The following OSBPL3 variants were observed in gnomAD, a reference collection of about 807,000 sequenced individuals.
The protein encoded by OSBPL3 is oxysterol-binding protein-related protein 3.
Under a neutral mutation model 120.1 loss-of-function variants are expected in OSBPL3, and 65 were observed. The observed-to-expected ratio is 0.54, with a 90% CI of 0.44 to 0.67. The LOEUF (loss-of-function observed/expected upper bound fraction) is 0.67. Among genes scored for constraint, OSBPL3 ranks in the 30% least tolerant of loss-of-function variants. OSBPL3 has a pLI of 0.00. For synonymous variants in OSBPL3, 416 were observed against 402.6 expected (o/e 1.03, Z -0.40); for missense variants, 1,004 against 1,082.1 (o/e 0.93, Z 1.01).
Position 24,861,709 on chromosome 7 carries a change from G to C in OSBPL3, c.931C>G (p.Leu311Val), listed in dbSNP as rs1006068454. 6.2e-7 allele frequency: 1 copy of C among 1,612,098 alleles called. No individual in the cohort carries two copies. Among genetic ancestry groups the C allele is most frequent in the Non-Finnish European group, 8.5e-7 (1 of 1,178,598 alleles). Residue 311 changes from leucine (L) to valine (V), a missense_variant, in exon 10 of 23, where the codon CTA (leucine) becomes GTA (valine). This residue lies in a region of OSBPL3 where 272 missense variants were observed against 248.8 expected (regional missense o/e 1.09). Coordinates refer to ENST00000313367, the MANE Select transcript of OSBPL3 (RefSeq NM_015550.4). ...TAATTTTTCTCTTCTCCAAAATCTA[G>C]TGTTGACAAATTAGGATTGGAGGAG... Reference protein sequence around the residue: ...LHSSNPNLSTLDFGEEKNYSD... With the variant: ...LHSSNPNLSTVDFGEEKNYSD...
chr7:24,804,622 T>C lies in OSBPL3; in HGVS notation c.2445-185A>G, dbSNP rs1792807217. ...AGAAGATATTTTTTTGAATTGGTGA[T>C]ATTTACATAATTCAAAAATTATATC... is the stretch of plus-strand genomic sequence containing the variant. On this transcript the variant is annotated intron_variant, in intron 21 of 22. Transcript: ENST00000313367. This position sits in a 1 kb window ranked among gnomAD's most constrained non-coding sequence, Gnocchi z 5.4. Among the ~76,000 whole-genome samples the C allele has an allele frequency of 6.6e-6, 1 of 152,218 alleles. No individual in the cohort carries two copies.
rs1199268482 is a variant in OSBPL3 at position 24,818,938 on chromosome 7, G to A, written c.1948+1237C>T. 6.6e-6 allele frequency among the ~76,000 whole-genome samples: 1 copy of A among 152,078 alleles called. No individual in the cohort carries two copies. The highest frequency in any genetic ancestry group is 1.5e-5 in the Non-Finnish European group (1 of 68,004). ...ACAGGAGCACACAAAACTACTTTGA[G>A]AAGACCCCTCGCATTAAAAAAAAAT... is the stretch of plus-strand genomic sequence containing the variant. On this transcript the variant is annotated intron_variant, in intron 17 of 22. Transcript: ENST00000313367. The surrounding 1 kb of genome is among the most constrained non-coding windows in gnomAD (Gnocchi z 4.0).
At position 24,820,238 on chromosome 7, in the gene OSBPL3, C is replaced by T. The variant is rs1160697697; in HGVS notation, c.1885G>A (p.Val629Ile). 1.9e-6 allele frequency: 3 copies of T among 1,610,886 alleles called. No homozygotes were observed. The highest frequency in any genetic ancestry group is 2.5e-6 in the Non-Finnish European group (3 of 1,177,928). Residue 629 changes from valine to isoleucine, a missense_variant and splice_region_variant, in exon 17 of 23, where the codon GTC becomes ATC. Physicochemically the swap from Val to Ile is conservative, Grantham distance 29. Around this residue, in one of 4 missense-constraint regions of OSBPL3, gnomAD observed 473 missense variants for 568.0 expected, o/e 0.83. Transcript: ENST00000313367. This position sits in a 1 kb window ranked among gnomAD's most constrained non-coding sequence, Gnocchi z 4.6. ...GCAGAGATAGGCGGATGGTGGCTGA[C>T]CTGATGGAAACAAAGGACAGAAAAA... is the stretch of plus-strand genomic sequence containing the variant. Reference protein sequence around the residue: ...DKGFQFFSEQVSHHPPISACH... With the variant: ...DKGFQFFSEQISHHPPISACH...
rs1317680522 is a variant in OSBPL3, at chr7:24,901,036, AGAG to A, written c.-149-8418_-149-8416del. 1.5e-4 allele frequency among the ~76,000 whole-genome samples: 20 copies of A among 134,402 alleles called. 1 individual carries two copies. Among genetic ancestry groups the A allele is most frequent in the Admixed American group, 8.3e-4 (11 of 13,288 alleles). The allele number at this position is 134,402 out of a possible 152,430, so 88.2% of individuals were successfully genotyped here. Reference sequence around the variant, plus strand: ...ACCTTGTCTCGAAAAAAAAAAAAAAAGAGAGAGAGATGGCCAGGTGTGGTGGCT... The same window carrying A: ...ACCTTGTCTCGAAAAAAAAAAAAAAAAGAGAGATGGCCAGGTGTGGTGGCT... On this transcript the variant is annotated intron_variant, in intron 1 of 22. Coordinates refer to ENST00000313367, the MANE Select transcript of OSBPL3 (RefSeq NM_015550.4).
chr7:24,956,400 A>G lies in OSBPL3; in HGVS notation c.-150+23486T>C, dbSNP rs572417261. Reference sequence around the variant, plus strand: ...TCAGAAAAGAATACAGCTAATTTTTAAAAACCAATCCTGCATTAGTTTTCT... The same window carrying G: ...TCAGAAAAGAATACAGCTAATTTTTGAAAACCAATCCTGCATTAGTTTTCT... On this transcript the variant is annotated intron_variant, in intron 1 of 22. Transcript: ENST00000313367. Among the ~76,000 whole-genome samples the G allele has an allele frequency of 1.3e-4, 20 of 152,360 alleles. No homozygotes were observed. In the South Asian group the frequency reaches 1.9e-3, roughly 14 times the overall value.
rs900362626 is a variant in OSBPL3 at position 24,979,914 on chromosome 7, C to T, written c.-178G>A. 2 of 970,502 alleles carry T rather than the reference C, an allele frequency of 2.1e-6. No individual in the cohort carries two copies. Among genetic ancestry groups the T allele is most frequent in the Non-Finnish European group, 2.4e-6 (2 of 822,422 alleles). 60.1% of individuals were successfully genotyped at this position (970,502 alleles called of 1,614,324 possible). A position where few individuals can be genotyped will look rare whatever the true frequency, so the allele number is the denominator to read the frequency against. ...AGCGCTGTGCAGCCGGAGACGCTCC[C>T]TAGTTCCCCGGGGCCGGGCTCCGGG... is the stretch of plus-strand genomic sequence containing the variant. On this transcript the variant is annotated 5_prime_UTR_variant, in exon 1 of 23. Transcript: ENST00000313367.
chr7:24,974,830 G>A (rs77830538), intron 1 of OSBPL3, among the ~76,000 whole-genome samples: 5,049 of 152,310 alleles, frequency 0.033, 137 homozygotes, highest in Middle Eastern at 0.058. Context: ...TTAGTGGGTG[G>A]GGATTAGGGG....
chr7:24,874,853 CCT>C (rs1802631791), intron 2 of OSBPL3, among the ~76,000 whole-genome samples: 1 of 152,150 alleles, frequency 6.6e-6, no homozygotes, highest in African/African-American at 2.4e-5. Context: ...AAATCTGCCC[CCT>C]GCCTCATCGC....
At chr7:24,928,194 G>T (rs375784282) in intron 1 of OSBPL3, among the ~76,000 whole-genome samples, 81 of 135,620 alleles carry the variant, frequency 6.0e-4, no homozygotes, top group African/African-American at 1.1e-3. Flanking sequence ...CTTCCTTTTT[G>T]TTTTTTTTTT....
At position 24,894,149 on chromosome 7, in the gene OSBPL3, T is replaced by C. The variant is rs1805781790; in HGVS notation, c.-149-1528A>G. On this transcript the variant is annotated intron_variant, in intron 1 of 22. Transcript: ENST00000313367. This position sits in a 1 kb window ranked among gnomAD's most constrained non-coding sequence, Gnocchi z 4.1. ...TTCCTACACCTTCATTAACACTTAG[T>C]TCTTCAAAAATAAAAAAGAGTACAT... Among the ~76,000 whole-genome samples the C allele has an allele frequency of 6.6e-6, 1 of 151,300 alleles. No individual in the cohort carries two copies. The highest frequency in any genetic ancestry group is 2.5e-5 in the African/African-American group (1 of 40,592).
chr7:24,877,462 G>C lies in OSBPL3; in HGVS notation c.97-5393C>G, dbSNP rs1329870673. 6.6e-6 allele frequency among the ~76,000 whole-genome samples: 1 copy of C among 152,072 alleles called. No individual in the cohort carries two copies. Among genetic ancestry groups the C allele is most frequent in the Non-Finnish European group, 1.5e-5 (1 of 68,010 alleles). ...CTTAGCCAGGTAAATTCTCATTTAGGCCCAAACCTCCTCCCTGGATGACAG... is the reference window on the plus strand; with the variant it reads ...CTTAGCCAGGTAAATTCTCATTTAGCCCCAAACCTCCTCCCTGGATGACAG... On this transcript the variant is annotated intron_variant, in intron 2 of 22. Transcript: ENST00000313367. This position sits in a 1 kb window ranked among gnomAD's most constrained non-coding sequence, Gnocchi z 4.8.
chr7:24,932,033 T>C lies in OSBPL3; in HGVS notation c.-149-39412A>G, dbSNP rs1284647613. Among the ~76,000 whole-genome samples the C allele has an allele frequency of 3.9e-5, 6 of 152,164 alleles. No homozygotes were observed. The highest frequency in any genetic ancestry group is 2.6e-4 in the Admixed American group (4 of 15,280). The stretch of plus-strand genomic sequence containing the variant: ...AGTGACTGATCTGTAAAACAAAACA[T>C]GTAGACTAGATGAATGATAATCTCT... On this transcript the variant is annotated intron_variant, in intron 1 of 22. Coordinates refer to ENST00000313367, the MANE Select transcript of OSBPL3 (RefSeq NM_015550.4). The surrounding 1 kb of genome is among the most constrained non-coding windows in gnomAD (Gnocchi z 5.6).
rs1034095639 is a variant in OSBPL3 at position 24,863,848 on chromosome 7, C to T, written c.674-249G>A. On this transcript the variant is annotated intron_variant, in intron 7 of 22. Coordinates refer to ENST00000313367, the MANE Select transcript of OSBPL3 (RefSeq NM_015550.4). This position sits in a 1 kb window ranked among gnomAD's most constrained non-coding sequence, Gnocchi z 5.8. ...TGAACTGTAACTATTGAGAAAATTG[C>T]AAAACTGCATGCCTCAACTTCCTCA... Among the ~76,000 whole-genome samples, 1 of 152,110 alleles carries T rather than the reference C, an allele frequency of 6.6e-6. No individual in the cohort carries two copies. Among genetic ancestry groups the T allele is most frequent in the African/African-American group, 2.4e-5 (1 of 41,418 alleles).
chr7:24,826,203 G>A (rs929410663), intron 16 of OSBPL3, among the ~76,000 whole-genome samples: 9 of 152,316 alleles, frequency 5.9e-5, no homozygotes, highest in South Asian at 2.1e-4. Context: ...AGGAAAGAAG[G>A]GAAGTCCTTC....
chr7:24,832,294 G>A (rs374283763), intron 15 of OSBPL3, among the ~76,000 whole-genome samples: 3 of 150,416 alleles, frequency 2.0e-5, no homozygotes, highest in African/African-American at 4.9e-5. Flanking sequence ...GGCAGATCAC[G>A]AGGTCAGGAG....
chr7:24,834,867 T>A lies in OSBPL3; in HGVS notation c.1496-131A>T. On this transcript the variant is annotated intron_variant, in intron 14 of 22. Coordinates refer to ENST00000313367, the MANE Select transcript of OSBPL3 (RefSeq NM_015550.4). This position sits in a 1 kb window ranked among gnomAD's most constrained non-coding sequence, Gnocchi z 5.2. ...TAAACTCAGTTGTTCAGAGTATGGC[T>A]GAAGTCAGAAAACCGGCAAAAGAAT... 1 of 816,558 alleles carries A rather than the reference T, an allele frequency of 1.2e-6. No homozygotes were observed. Among genetic ancestry groups the A allele is most frequent in the Non-Finnish European group, 1.8e-6 (1 of 550,084 alleles). 50.6% of individuals were successfully genotyped at this position (816,558 alleles called of 1,614,324 possible). A position where few individuals can be genotyped will look rare whatever the true frequency, so the allele number is the denominator to read the frequency against.
rs531018460 is a variant in OSBPL3, at chr7:24,894,060, T to C, written c.-149-1439A>G. Among the ~76,000 whole-genome samples, 2 of 152,278 alleles carry C rather than the reference T, an allele frequency of 1.3e-5. No individual in the cohort carries two copies. Among genetic ancestry groups the C allele is most frequent in the Middle Eastern group, 3.4e-3 (1 of 292 alleles). ...TCTAATTATAAAAAGAAGAGTATCA[T>C]ATATTTGTCTAGGAACCAGCTAGTT... On this transcript the variant is annotated intron_variant, in intron 1 of 22. Coordinates refer to ENST00000313367, the MANE Select transcript of OSBPL3 (RefSeq NM_015550.4). This position sits in a 1 kb window ranked among gnomAD's most constrained non-coding sequence, Gnocchi z 4.1.
rs1352277456 is a variant in OSBPL3, at chr7:24,881,953, C to T, written c.97-9884G>A. 2.0e-5 allele frequency among the ~76,000 whole-genome samples: 3 copies of T among 152,240 alleles called. No individual in the cohort carries two copies. The South Asian group carries it at 6.2e-4, about 32-fold the overall frequency. ...TGTCTGTCTTCTCCCGAACGTGTTT[C>T]TTATAAGGACATTTGTCAGTGAATT... On this transcript the variant is annotated intron_variant, in intron 2 of 22. Coordinates refer to ENST00000313367, the MANE Select transcript of OSBPL3 (RefSeq NM_015550.4). This position sits in a 1 kb window ranked among gnomAD's most constrained non-coding sequence, Gnocchi z 4.3.
chr7:24,954,829 T>C (rs1243503097), intron 1 of OSBPL3, among the ~76,000 whole-genome samples: 1 of 152,188 alleles, frequency 6.6e-6, no homozygotes, highest in African/African-American at 2.4e-5. Context: ...GAAGACACTT[T>C]GAAAAGGTTT....
Sources: allele counts gnomAD v4.1 joint callset (sites outside exome capture counted in the v4.1 genomes callset), GRCh38; gene constraint gnomAD v4.1.1; regional missense constraint gnomAD v4.1.1; non-coding constraint Gnocchi (gnomAD v3.1); transcripts MANE v1.5; gene names NCBI Gene and HGNC (gene_info 2026-07-23, HGNC 2026-07-21).